MEGF6: variants seen among roughly 807,000 people sequenced by gnomAD.
The protein encoded by MEGF6 is multiple epidermal growth factor-like domains protein 6.
Under a neutral mutation model 207.1 loss-of-function variants are expected in MEGF6, and 184 were observed. That is an observed-to-expected ratio of 0.89 (90% CI 0.79 to 1.00). The LOEUF is 1.00. Among genes scored for constraint, MEGF6 ranks in the 50% least tolerant of loss-of-function variants. The pLI is 0.00. For missense variants in MEGF6, 2,282 were observed against 2,202.9 expected, an observed-to-expected ratio of 1.04 and a Z score of -0.72; for synonymous variants, 1,038 against 910.0, an observed-to-expected ratio of 1.14 and a Z score of -2.53.
chr1:3,621,908 T>C, the MEGF6 span, among the ~76,000 whole-genome samples: 1 of 152,268 alleles, frequency 6.6e-6, no homozygotes, highest in African/African-American at 2.4e-5. Flanking sequence ...CCCCTTTGTT[T>C]TGGCCAAATT....
chr1:3,520,793 A>C (rs1641719066), intron 5 of MEGF6, among the ~76,000 whole-genome samples: 1 of 152,082 alleles, frequency 6.6e-6, no homozygotes, highest in Non-Finnish European at 1.5e-5. Flanking sequence ...GGAGGTGTGG[A>C]GGTTGTACCT....
chr1:3,511,428 A>C, intron 9 of MEGF6, 122 bp downstream of exon 9: 1 of 1,250,702 alleles, frequency 8.0e-7, no homozygotes, highest in South Asian at 1.7e-5. Flanking sequence ...CCAGGCAGCC[A>C]GACCAGGACT....
chr1:3,577,830 C>T (rs1257939722), intron 4 of MEGF6, among the ~76,000 whole-genome samples: 1 of 152,180 alleles, frequency 6.6e-6, no homozygotes, highest in Non-Finnish European at 1.5e-5. Context: ...GGGCATGGAG[C>T]CCCCCCAACA....
At chr1:3,572,541 G>A (rs932199496) in intron 4 of MEGF6, among the ~76,000 whole-genome samples, 2 of 148,664 alleles carry the variant, frequency 1.3e-5, no homozygotes, top group South Asian at 2.2e-4. Flanking sequence ...GGTTCTCCCA[G>A]GTATGCTGGG....
intron 4 of MEGF6, among the ~76,000 whole-genome samples, chr1:3,541,853 C>T (rs999711871): frequency 6.6e-6 from 1 of 152,138 alleles, no homozygotes; most frequent in Non-Finnish European, 1.5e-5. Context: ...CTGGTGGTCC[C>T]TGCTACCCTG....
intron 6 of MEGF6, 45 bp from the exon 7 acceptor site, chr1:3,514,717 A>G: frequency 6.6e-7 from 1 of 1,512,068 alleles, no homozygotes; most frequent in Middle Eastern, 2.3e-4. Flanking sequence ...AGGGGACCCC[A>G]GTGGCTGCAG....
chr1:3,608,646 CCT>C, intron 1 of MEGF6, among the ~76,000 whole-genome samples: 2 of 152,352 alleles, frequency 1.3e-5, no homozygotes, highest in South Asian at 4.1e-4. Flanking sequence ...AGCAGACACT[CCT>C]CTCTGTAGCC....
chr1:3,605,140 ACAGT>A (rs755207791), intron 1 of MEGF6, among the ~76,000 whole-genome samples: 3 of 133,934 alleles, frequency 2.2e-5, no homozygotes, highest in Non-Finnish European at 3.2e-5. Context: ...ACACCCACAC[ACAGT>A]CACACACTCA....
chr1:3,612,543 C>A (rs1644341890), upstream of MEGF6, among the ~76,000 whole-genome samples: 1 of 152,144 alleles, frequency 6.6e-6, no homozygotes, highest in African/African-American at 2.4e-5. Flanking sequence ...CTGGGTGAGA[C>A]CGGATGGGGG....
chr1:3,581,361 T>C (rs2821048), intron 3 of MEGF6, among the ~76,000 whole-genome samples: 132,969 of 152,160 alleles, frequency 0.87, 58,325 homozygotes, highest in Middle Eastern at 0.92. Context: ...ATTCAGGCCC[T>C]ACCAGCCTCT....
intron 4 of MEGF6, among the ~76,000 whole-genome samples, chr1:3,576,264 G>C (rs1379325098): frequency 1.3e-5 from 2 of 152,242 alleles, no homozygotes; most frequent in African/African-American, 4.8e-5. Context: ...GGGCCTCAGG[G>C]AAACACTGCT....
the MEGF6 span, among the ~76,000 whole-genome samples, chr1:3,617,224 G>A: frequency 6.8e-6 from 1 of 146,008 alleles, no homozygotes; most frequent in African/African-American, 2.5e-5. Context: ...GAAATATGAA[G>A]GTGTTTCAGA....
chr1:3,511,574 C>A lies in MEGF6; in HGVS notation c.1090G>T (p.Asp364Tyr). ...CCGATGCAGGTCCTCTGATCTGTGT[C>A]CAGCTCGTAGCCGCGGGGACATGTG... ...LCTCPRGYEL[D>Y]TDQRTCIDVD... The change falls in exon 9 of 37, where the codon GAC (aspartate) becomes TAC (tyrosine). Residue 364 changes from aspartate (D) to tyrosine (Y), a missense_variant. Physicochemically the swap from Asp to Tyr is radical, Grantham distance 160. Coordinates refer to ENST00000356575, the MANE Select transcript of MEGF6 (RefSeq NM_001409.4). The A allele has an allele frequency of 6.2e-7, 1 of 1,611,620 alleles. No individual in the cohort carries two copies. Among genetic ancestry groups the A allele is most frequent in the Non-Finnish European group, 8.5e-7 (1 of 1,178,976 alleles).
intron 2 of MEGF6, among the ~76,000 whole-genome samples, chr1:3,597,302 C>T (rs528273731): frequency 4.0e-4 from 61 of 152,234 alleles, no homozygotes; most frequent in Non-Finnish European, 6.2e-4. Flanking sequence ...CCCACCCTGC[C>T]GTCCTTCCTC....
chr1:3,610,415 C>T (rs921444162), intron 1 of MEGF6, among the ~76,000 whole-genome samples: 2 of 152,148 alleles, frequency 1.3e-5, no homozygotes, highest in Non-Finnish European at 2.9e-5. Flanking sequence ...ACCTGGCCCT[C>T]GCCCACCCAC....
chr1:3,531,354 G>A (rs1642162785), intron 4 of MEGF6: 2 of 1,192,058 alleles, frequency 1.7e-6, no homozygotes, highest in South Asian at 4.1e-5. Context: ...GGTTCCGGGC[G>A]GGCGCGCAAT....
In MEGF6 at chr1:3,563,665, A is replaced by T. The variant is rs569920913; in HGVS notation, c.481+16160T>A. ...GCGTCGGTTCTATGGTTTTCTGCAG[A>T]GTCCCCCTCTGGCTCCCCTGACACC... On this transcript the variant is annotated intron_variant, in intron 4 of 36. Coordinates refer to ENST00000356575, the MANE Select transcript of MEGF6 (RefSeq NM_001409.4). Among the ~76,000 whole-genome samples, 11 of 152,234 alleles carry T rather than the reference A, an allele frequency of 7.2e-5. No homozygotes were observed. In the South Asian group the frequency reaches 2.3e-3, roughly 31 times the overall value.
At chr1:3,507,547 C>T (rs1370747377) in intron 14 of MEGF6, among the ~76,000 whole-genome samples, 2 of 152,186 alleles carry the variant, frequency 1.3e-5, no homozygotes, top group African/African-American at 4.8e-5. Context: ...TACAGTTAGG[C>T]CCTGGGAAAA....
chr1:3,616,571 G>A, the MEGF6 span, among the ~76,000 whole-genome samples: 18 of 151,818 alleles, frequency 1.2e-4, no homozygotes, highest in African/African-American at 3.9e-4. Flanking sequence ...GAGAGGGGGT[G>A]GGAGGCCGGG....
Sources: allele counts gnomAD v4.1 joint callset (sites outside exome capture counted in the v4.1 genomes callset), GRCh38; gene constraint gnomAD v4.1.1; transcripts MANE v1.5; gene names NCBI Gene and HGNC (gene_info 2026-07-23, HGNC 2026-07-21).